Variants in ANXA10 observed in about 807,000 individuals in gnomAD.
The protein encoded by ANXA10 is annexin 14.
A neutral mutation model predicts 53.5 loss-of-function variants in ANXA10; 49 were observed. The observed-to-expected ratio is 0.92, with a 90% confidence interval of 0.73 to 1.16. ANXA10 has a LOEUF of 1.16. Ranked by LOEUF, ANXA10 falls within the 50% of genes most tolerant of loss-of-function variation. ANXA10 has a pLI of 0.00. For synonymous variants in ANXA10, 131 were observed against 128.9 expected (o/e 1.02, Z -0.11); for missense variants, 393 against 394.4 (o/e 1.00, Z 0.03).
At chr4:168,148,431 C>T (rs972537300) in intron 3 of ANXA10, among the ~76,000 whole-genome samples, 1 of 152,144 alleles carries the variant, frequency 6.6e-6, no homozygotes, top group African/African-American at 2.4e-5. Flanking sequence ...TCCCAAAGTG[C>T]TGGGATTACA....
intron 2 of ANXA10, among the ~76,000 whole-genome samples, chr4:168,134,393 G>C (rs530876170): frequency 6.6e-6 from 1 of 152,056 alleles, no homozygotes; most frequent in South Asian, 2.1e-4. Flanking sequence ...AATATCTCTG[G>C]AAGAATAAAT....
chr4:168,093,196 A>C (rs969165035), intron 1 of ANXA10, among the ~76,000 whole-genome samples: 4 of 152,194 alleles, frequency 2.6e-5, no homozygotes, highest in African/African-American at 9.6e-5. Flanking sequence ...TTATCTCGAT[A>C]TTTACTTCTA....
intron 2 of ANXA10, among the ~76,000 whole-genome samples, chr4:168,133,158 A>C (rs1360839595): frequency 6.6e-6 from 1 of 152,232 alleles, no homozygotes; most frequent in African/African-American, 2.4e-5. Flanking sequence ...AATGGCCCCA[A>C]GCATAGTGCT....
chr4:168,153,510 G>A (rs911949133), intron 3 of ANXA10, among the ~76,000 whole-genome samples: 7 of 144,746 alleles, frequency 4.8e-5, no homozygotes, highest in Admixed American at 7.0e-5. Context: ...GGACAAGCTT[G>A]GGATATAGTA....
chr4:168,152,197 G>C (rs1731509433), intron 3 of ANXA10, among the ~76,000 whole-genome samples: 1 of 152,202 alleles, frequency 6.6e-6, no homozygotes, highest in South Asian at 2.1e-4. Context: ...GAAGTGTGGG[G>C]AGATGGGGTG....
chr4:168,119,502 C>T (rs955803242), intron 1 of ANXA10, among the ~76,000 whole-genome samples: 4 of 152,072 alleles, frequency 2.6e-5, no homozygotes, highest in South Asian at 2.1e-4. Context: ...AAGCAGCCAC[C>T]GTACAATGGG....
At chr4:168,136,785 C>G (rs1462942382) in intron 2 of ANXA10, among the ~76,000 whole-genome samples, 1 of 152,230 alleles carries the variant, frequency 6.6e-6, no homozygotes, top group East Asian at 1.9e-4. Flanking sequence ...CAAAGCTCCA[C>G]TAGGCAGTGT....
At chr4:168,121,617 G>A (rs1730986250) in intron 1 of ANXA10, among the ~76,000 whole-genome samples, 1 of 151,976 alleles carries the variant, frequency 6.6e-6, no homozygotes, top group South Asian at 2.1e-4. Context: ...TAAATGCTTA[G>A]AGCTAAAAAT....
chr4:168,112,104 G>A (rs1416792460), intron 1 of ANXA10, among the ~76,000 whole-genome samples: 1 of 152,114 alleles, frequency 6.6e-6, no homozygotes, highest in Non-Finnish European at 1.5e-5. Context: ...CACCAGCCTG[G>A]CCAACATGGA....
At chr4:168,181,893 C>G in intron 10 of ANXA10, 152 bp downstream of exon 10, 1 of 623,484 alleles carries the variant, frequency 1.6e-6, no homozygotes, top group Non-Finnish European at 2.8e-6. Context: ...CTGGTTTAGA[C>G]ACCAAAAATA....
At chr4:168,094,120 C>T (rs1417345647) in intron 1 of ANXA10, among the ~76,000 whole-genome samples, 1 of 151,916 alleles carries the variant, frequency 6.6e-6, no homozygotes. Context: ...TCTAATGTTA[C>T]TATTTATATG....
At chr4:168,164,114 G>T in intron 4 of ANXA10, 84 bp from the exon 5 acceptor site, 2 of 1,008,834 alleles carry the variant, frequency 2.0e-6, no homozygotes, top group South Asian at 3.1e-5. Flanking sequence ...CACTGGAAAT[G>T]CTGTATCCCT....
At chr4:168,115,569 A>G (rs1264531228) in intron 1 of ANXA10, among the ~76,000 whole-genome samples, 3 of 151,894 alleles carry the variant, frequency 2.0e-5, no homozygotes, top group Non-Finnish European at 4.4e-5. Flanking sequence ...TGACGTAAAA[A>G]TAAGAGCTCA....
chr4:168,095,417 A>G (rs1008690562), intron 1 of ANXA10, among the ~76,000 whole-genome samples: 4 of 151,974 alleles, frequency 2.6e-5, no homozygotes, highest in African/African-American at 9.7e-5. Flanking sequence ...TTATTGACTG[A>G]CAGAAAATGT....
intron 3 of ANXA10, among the ~76,000 whole-genome samples, chr4:168,151,356 A>G (rs1238741141): frequency 6.6e-6 from 1 of 152,230 alleles, no homozygotes; most frequent in East Asian, 1.9e-4. Flanking sequence ...CTGTTTATCC[A>G]TAATAAGATA....
rs759425716 is a variant in ANXA10 at position 168,181,702 on chromosome 4, A to T, written c.744A>T (p.Lys248Asn). 8.1e-6 allele frequency: 13 copies of T among 1,604,692 alleles called. No homozygotes were observed. The South Asian group carries it at 1.4e-4, about 18-fold the overall frequency. The change falls in exon 10 of 12, where the codon AAA becomes AAT. Residue 248 changes from lysine (K) to asparagine (N), a missense_variant. Lys to Asn is a moderately conservative substitution (Grantham distance 94). Transcript: ENST00000359299. ...LVAIVLCVRD[K>N]PAYFAYRLYS... The stretch of plus-strand genomic sequence containing the variant: ...TCCTAGTTCTCTGTGTTCGAGACAA[A>T]CCAGCCTATTTTGCTTATAGATTAT...
At chr4:168,120,732 T>G (rs1467547293) in intron 1 of ANXA10, among the ~76,000 whole-genome samples, 1 of 152,236 alleles carries the variant, frequency 6.6e-6, no homozygotes, top group Non-Finnish European at 1.5e-5. Context: ...GTTTATAAGA[T>G]ATAATGACTT....
chr4:168,099,665 T>G (rs1330256024), intron 1 of ANXA10, among the ~76,000 whole-genome samples: 1 of 152,114 alleles, frequency 6.6e-6, no homozygotes, highest in Non-Finnish European at 1.5e-5. Flanking sequence ...ATTCTAGATA[T>G]TGTGAATACT....
At chr4:168,094,274 G>C (rs1047864697) in intron 1 of ANXA10, among the ~76,000 whole-genome samples, 2 of 152,070 alleles carry the variant, frequency 1.3e-5, no homozygotes, top group Non-Finnish European at 2.9e-5. Context: ...GAAGATTAAA[G>C]ATTTGGATTT....
Sources: gnomAD v4.1 joint callset for allele counts (sites outside exome capture counted in the v4.1 genomes callset) on GRCh38, gnomAD v4.1.1 for gene constraint, MANE v1.5 for transcripts, NCBI Gene and HGNC (gene_info 2026-07-23, HGNC 2026-07-21) for gene names.